The following ROBO1 variants were observed in gnomAD, a reference collection of about 807,000 sequenced individuals.
ROBO1 encodes roundabout homolog 1.
A neutral mutation model predicts 195.9 loss-of-function variants in ROBO1; 149 were observed. That is an observed-to-expected ratio of 0.76 (90% confidence interval 0.67 to 0.87). The LOEUF is 0.87. Ranked by LOEUF, ROBO1 falls within the 40% of genes least tolerant of loss-of-function variation. The pLI is 0.00. For missense variants in ROBO1, 1,933 were observed against 2,068.3 expected, an observed-to-expected ratio of 0.93 and a Z score of 1.27; for synonymous variants, 816 against 733.2, an observed-to-expected ratio of 1.11 and a Z score of -1.82.
At chr3:79,634,361 G>C (rs1209195781) in intron 1 of ROBO1, among the ~76,000 whole-genome samples, 1 of 152,110 alleles carries the variant, frequency 6.6e-6, no homozygotes. Context: ...TGATGAGGGG[G>C]AGATGAGACA....
chr3:79,530,782 CACACACACACACACACACACACAT>C (rs1279577045), intron 2 of ROBO1, among the ~76,000 whole-genome samples: 3 of 145,242 alleles, frequency 2.1e-5, no homozygotes, highest in African/African-American at 5.1e-5. Context: ...CACACACACA[CACACACACACACACACACACACAT>C]CCTTCCCTGG....
At chr3:79,085,333 C>A (rs975307966) in intron 3 of ROBO1, among the ~76,000 whole-genome samples, 3 of 152,144 alleles carry the variant, frequency 2.0e-5, no homozygotes, top group African/African-American at 7.2e-5. Flanking sequence ...TCATTGCAAG[C>A]TATCCTAATC....
At chr3:78,889,776 T>C (rs1318288122) in intron 4 of ROBO1, among the ~76,000 whole-genome samples, 3 of 148,752 alleles carry the variant, frequency 2.0e-5, no homozygotes, top group African/African-American at 7.4e-5. Context: ...TAGAAGTACG[T>C]GAAACTTAAA....
chr3:79,591,350 A>C (rs1943994997), intron 1 of ROBO1, among the ~76,000 whole-genome samples: 1 of 151,812 alleles, frequency 6.6e-6, no homozygotes, highest in South Asian at 2.1e-4. Context: ...AAGCAGAGTT[A>C]ATTGCTAAGT....
At chr3:79,243,607 T>G (rs958233699) in intron 2 of ROBO1, among the ~76,000 whole-genome samples, 1 of 152,148 alleles carries the variant, frequency 6.6e-6, no homozygotes, top group Non-Finnish European at 1.5e-5. Flanking sequence ...TTTTTTCATG[T>G]GTCTTTTGGC....
At chr3:78,875,546 GA>G (rs199767608) in intron 4 of ROBO1, among the ~76,000 whole-genome samples, 2 of 150,908 alleles carry the variant, frequency 1.3e-5, no homozygotes, top group African/African-American at 2.4e-5. Context: ...AGCTAGAATA[GA>G]AAAAAAAATC....
At chr3:79,333,699 C>G (rs1033410442) in intron 2 of ROBO1, among the ~76,000 whole-genome samples, 2 of 152,120 alleles carry the variant, frequency 1.3e-5, no homozygotes, top group African/African-American at 4.8e-5. Flanking sequence ...TTTGCTGTTT[C>G]TTATGCATGG....
chr3:79,194,777 G>C (rs2081603556), intron 2 of ROBO1, among the ~76,000 whole-genome samples: 1 of 151,480 alleles, frequency 6.6e-6, no homozygotes, highest in Non-Finnish European at 1.5e-5. Context: ...TAGGGGACTG[G>C]TTGCCATTCA....
Position 78,809,866 on chromosome 3 carries a change from A to G in ROBO1, c.500-62966T>C, listed in dbSNP as rs537731995. ...GGGTGGGAGCTAGGGGAGGGATAGC[A>G]TTAGGAGAAATACCTAATGTAGATG... On this transcript the variant is annotated intron_variant, in intron 4 of 30. Coordinates refer to ENST00000464233, the MANE Select transcript of ROBO1 (RefSeq NM_002941.4). Among the ~76,000 whole-genome samples, 40 of 152,234 alleles carry G rather than the reference A, an allele frequency of 2.6e-4. No individual in the cohort carries two copies. In the Middle Eastern group the frequency reaches 0.01, roughly 39 times the overall value.
At chr3:79,281,756 T>C (rs1001417601) in intron 2 of ROBO1, among the ~76,000 whole-genome samples, 7 of 152,212 alleles carry the variant, frequency 4.6e-5, no homozygotes, top group African/African-American at 1.7e-4. Context: ...TTCATAACTT[T>C]GTGCCATCAT....
At chr3:79,211,694 AT>A (rs1438085017) in intron 2 of ROBO1, among the ~76,000 whole-genome samples, 1 of 152,194 alleles carries the variant, frequency 6.6e-6, no homozygotes, top group Non-Finnish European at 1.5e-5. Flanking sequence ...TACCAAAGGC[AT>A]TTTGAGTTGC....
At chr3:79,423,676 A>G (rs1217438160) in intron 2 of ROBO1, among the ~76,000 whole-genome samples, 1 of 152,086 alleles carries the variant, frequency 6.6e-6, no homozygotes, top group African/African-American at 2.4e-5. Context: ...AAGTCAGCAT[A>G]CCAGTACTAT....
chr3:79,269,834 T>G (rs909994090), intron 2 of ROBO1, among the ~76,000 whole-genome samples: 1 of 151,698 alleles, frequency 6.6e-6, no homozygotes, highest in Non-Finnish European at 1.5e-5. Context: ...AAAGATCCAT[T>G]TCCCCCCTAA....
intron 3 of ROBO1, among the ~76,000 whole-genome samples, chr3:79,027,126 TG>T (rs1446718010): frequency 1.3e-5 from 2 of 152,132 alleles, no homozygotes; most frequent in Non-Finnish European, 2.9e-5. Flanking sequence ...TGCCGTTATC[TG>T]GGCATTCATG....
intron 2 of ROBO1, among the ~76,000 whole-genome samples, chr3:79,221,962 G>A (rs1278219792): frequency 6.6e-6 from 1 of 151,884 alleles, no homozygotes; most frequent in Non-Finnish European, 1.5e-5. Context: ...TTCTATTATG[G>A]TAAAAATATC....
intron 4 of ROBO1, among the ~76,000 whole-genome samples, chr3:78,903,785 T>C (rs1046686918): frequency 2.6e-5 from 4 of 152,164 alleles, no homozygotes; most frequent in Non-Finnish European, 5.9e-5. Context: ...TTCTTTTCTA[T>C]ATGTTTGCAA....
At chr3:79,712,057 C>T (rs1293698266) in intron 1 of ROBO1, among the ~76,000 whole-genome samples, 1 of 152,016 alleles carries the variant, frequency 6.6e-6, no homozygotes, top group East Asian at 1.9e-4. Context: ...TTTCTGGCCT[C>T]CCTATTCCCT....
intron 2 of ROBO1, among the ~76,000 whole-genome samples, chr3:79,296,198 A>T (rs1367654460): frequency 6.6e-6 from 1 of 152,196 alleles, no homozygotes; most frequent in African/African-American, 2.4e-5. Flanking sequence ...TTCTTATAAG[A>T]AGCATTACAT....
chr3:78,907,603 G>A (rs1333160947), intron 4 of ROBO1, among the ~76,000 whole-genome samples: 3 of 152,016 alleles, frequency 2.0e-5, no homozygotes, highest in Non-Finnish European at 4.4e-5. Flanking sequence ...ATAAACAAGG[G>A]ATGGCAATTC....
Sources: gnomAD v4.1 joint callset for allele counts (sites outside exome capture counted in the v4.1 genomes callset) on GRCh38, gnomAD v4.1.1 for gene constraint, MANE v1.5 for transcripts, NCBI Gene and HGNC (gene_info 2026-07-23, HGNC 2026-07-21) for gene names.